Variants in PRDM2 observed in about 807,000 individuals in gnomAD.
PRDM2 encodes PR domain zinc finger protein 2.
In PRDM2, 30 loss-of-function variants were observed where a neutral mutation model predicts 130.0. That is an observed-to-expected ratio of 0.23 (90% CI 0.17 to 0.31). The LOEUF (loss-of-function observed/expected upper bound fraction) is 0.31, where lower values mean the gene tolerates loss of function less well. PRDM2 is among the 10% of genes least tolerant of loss of function. The pLI, the probability that PRDM2 is intolerant of heterozygous loss-of-function variation, is 1.00. For missense variants in PRDM2, 2,011 were observed against 2,108.4 expected (o/e 0.95, Z 0.90); for synonymous variants, 871 against 782.4 (o/e 1.11, Z -1.89).
intron 7 of PRDM2, among the ~76,000 whole-genome samples, chr1:13,776,932 A>G (rs1174370938): frequency 2.0e-5 from 3 of 152,062 alleles, no homozygotes; most frequent in African/African-American, 7.2e-5. Flanking sequence ...CTTCTCTAGG[A>G]CTTTGAAATT....
chr1:13,777,847 A>G (rs1644512618), intron 7 of PRDM2, among the ~76,000 whole-genome samples: 1 of 151,590 alleles, frequency 6.6e-6, no homozygotes, highest in Non-Finnish European at 1.5e-5. Context: ...TGATCTCCAA[A>G]GATTGTCTAG....
At chr1:13,797,940 T>G (rs1644947875) in intron 8 of PRDM2, among the ~76,000 whole-genome samples, 1 of 152,234 alleles carries the variant, frequency 6.6e-6, no homozygotes, top group Non-Finnish European at 1.5e-5. Context: ...TTCCTTTGCT[T>G]GTTTACCATC....
At chr1:13,752,950 C>G (rs995743797) in intron 6 of PRDM2, among the ~76,000 whole-genome samples, 1 of 152,182 alleles carries the variant, frequency 6.6e-6, no homozygotes, top group African/African-American at 2.4e-5. Flanking sequence ...GCTGTGGGCT[C>G]TTGGGAACTG....
intron 2 of PRDM2, among the ~76,000 whole-genome samples, chr1:13,721,354 G>A (rs1432259914): frequency 6.6e-6 from 1 of 151,432 alleles, no homozygotes; most frequent in Non-Finnish European, 1.5e-5. Flanking sequence ...AAATATATAT[G>A]ATATAAAAAG....
chr1:13,788,331 A>C (rs1210620916), intron 8 of PRDM2, among the ~76,000 whole-genome samples: 3 of 152,256 alleles, frequency 2.0e-5, no homozygotes, highest in Non-Finnish European at 4.4e-5. Flanking sequence ...TCACTCGGGT[A>C]AGAGTAAAAT....
intron 8 of PRDM2, among the ~76,000 whole-genome samples, chr1:13,812,870 C>T (rs1329963215): frequency 6.6e-6 from 1 of 152,194 alleles, no homozygotes; most frequent in African/African-American, 2.4e-5. Context: ...ATGCTTCCAG[C>T]CCTGCTCTCT....
chr1:13,740,111 AT>A (rs1643392920), intron 4 of PRDM2, among the ~76,000 whole-genome samples: 1 of 152,226 alleles, frequency 6.6e-6, no homozygotes, highest in Non-Finnish European at 1.5e-5. Flanking sequence ...TTGAAACAAA[AT>A]GAGTTATGTA....
intron 2 of PRDM2, among the ~76,000 whole-genome samples, chr1:13,716,856 ATG>A (rs1642557228): frequency 6.6e-6 from 1 of 152,198 alleles, no homozygotes; most frequent in Non-Finnish European, 1.5e-5. Flanking sequence ...AATATGAAGT[ATG>A]TAATTTTTTT....
At chr1:13,719,117 A>C (rs548919258) in intron 2 of PRDM2, among the ~76,000 whole-genome samples, 1 of 152,310 alleles carries the variant, frequency 6.6e-6, no homozygotes, top group East Asian at 1.9e-4. Context: ...ACAATTAAAC[A>C]AGATCTTGTT....
intron 6 of PRDM2, among the ~76,000 whole-genome samples, chr1:13,766,308 C>G (rs1644225962): frequency 6.6e-6 from 1 of 152,148 alleles, no homozygotes; most frequent in Non-Finnish European, 1.5e-5. Context: ...GAAGACTCTG[C>G]AAAAGGGTGA....
At chr1:13,820,374 C>G (rs1157582476) in intron 9 of PRDM2, among the ~76,000 whole-genome samples, 3 of 152,204 alleles carry the variant, frequency 2.0e-5, no homozygotes, top group Non-Finnish European at 4.4e-5. Context: ...CTGTGGCACC[C>G]TCTTTACTGT....
chr1:13,760,349 C>T lies in PRDM2; in HGVS notation c.511+10862C>T, dbSNP rs570312283. On this transcript the variant is annotated intron_variant, in intron 6 of 9. Coordinates refer to ENST00000311066, the MANE Select transcript of PRDM2 (RefSeq NM_001393986.1). ...TAAGCACATTAAAAAAAAAACCTGC[C>T]TAAAAATTTTTTTTAGTGGGTGGGA... 2.0e-5 allele frequency among the ~76,000 whole-genome samples: 3 copies of T among 152,096 alleles called. No homozygotes were observed. The South Asian group carries it at 6.2e-4, about 32-fold the overall frequency.
intron 6 of PRDM2, among the ~76,000 whole-genome samples, chr1:13,761,794 T>C (rs1644104196): frequency 6.6e-6 from 1 of 152,122 alleles, no homozygotes; most frequent in African/African-American, 2.4e-5. Flanking sequence ...ACTTTAAAAA[T>C]GAAATACACT....
At chr1:13,712,640 C>T (rs1244038481) in intron 1 of PRDM2, among the ~76,000 whole-genome samples, 1 of 152,130 alleles carries the variant, frequency 6.6e-6, no homozygotes, top group Non-Finnish European at 1.5e-5. Flanking sequence ...GCCTGTAGTA[C>T]TAGCTACTCA....
In PRDM2 at chr1:13,803,104, G is replaced by A. The variant is rs533713909; in HGVS notation, c.5037-13323G>A. Among the ~76,000 whole-genome samples the A allele has an allele frequency of 1.3e-5, 2 of 152,330 alleles. No homozygotes were observed. Among genetic ancestry groups the A allele is most frequent in the South Asian group, 4.1e-4 (2 of 4,822 alleles). ...GTGCTGAATGGAGTGGGGAAGGTGG[G>A]CTGGGGAGGCCTGAGGGCTGTAGGG... On this transcript the variant is annotated intron_variant, in intron 8 of 9. Coordinates refer to ENST00000311066, the MANE Select transcript of PRDM2 (RefSeq NM_001393986.1). This position sits in a 1 kb window ranked among gnomAD's most constrained non-coding sequence, Gnocchi z 6.2.
chr1:13,754,799 G>T (rs537773543), intron 6 of PRDM2, among the ~76,000 whole-genome samples: 1 of 152,222 alleles, frequency 6.6e-6, no homozygotes, highest in East Asian at 1.9e-4. Context: ...TAGGGCACTG[G>T]CCTGTGGTTC....
rs896517191 is a variant in PRDM2, at chr1:13,780,787, C to A, written c.2992C>A (p.Pro998Thr). 6.3e-7 allele frequency: 1 copy of A among 1,582,836 alleles called. No homozygotes were observed. The highest frequency in any genetic ancestry group is 1.7e-5 in the Admixed American group (1 of 57,348). The change falls in exon 8 of 10, where the codon CCC becomes ACC. Residue 998 changes from proline (P) to threonine (T), a missense_variant. Physicochemically the swap from Pro to Thr is conservative, Grantham distance 38. Coordinates refer to ENST00000311066, the MANE Select transcript of PRDM2 (RefSeq NM_001393986.1). ...CCTTCCTACCGTACCTCTTCCAGCC[C>A]CCTCTTCCAGTGCATCTCCACACCC... ...PLLPTVPLPA[P>T]SSSASPHPCP...
chr1:13,778,204 T>C (rs2100655777), intron 7 of PRDM2, among the ~76,000 whole-genome samples: 1 of 152,350 alleles, frequency 6.6e-6, no homozygotes, highest in Admixed American at 6.5e-5. Context: ...GCCTGGTACG[T>C]GGCTGGTACC....
chr1:13,791,564 T>C (rs1644839231), intron 8 of PRDM2, among the ~76,000 whole-genome samples: 2 of 152,192 alleles, frequency 1.3e-5, no homozygotes, highest in African/African-American at 4.8e-5. Flanking sequence ...GCCTCCCGAC[T>C]TCAGCAAATA....
Sources: allele counts gnomAD v4.1 joint callset (sites outside exome capture counted in the v4.1 genomes callset), GRCh38; gene constraint gnomAD v4.1.1; non-coding constraint Gnocchi (gnomAD v3.1); transcripts MANE v1.5; gene names NCBI Gene and HGNC (gene_info 2026-07-23, HGNC 2026-07-21).